FMO3: variants seen among roughly 807,000 people sequenced by gnomAD.
FMO3 encodes the protein flavin-containing monooxygenase 3.
A neutral mutation model predicts 39.4 loss-of-function variants in FMO3; 40 were observed. That is an observed-to-expected ratio of 1.02 (90% CI 0.79 to 1.32). The LOEUF (loss-of-function observed/expected upper bound fraction) is 1.32. FMO3 is among the 40% of genes most tolerant of loss of function. The probability of loss-of-function intolerance (pLI) is 0.00; values close to 1 mark genes in which losing one functional copy is unlikely to be tolerated. For synonymous variants in FMO3, 219 were observed against 228.8 expected (o/e 0.96, Z 0.39); for missense variants, 680 against 651.8 (o/e 1.04, Z -0.47).
chr1:171,094,812 C>T (rs946089937), intron 2 of FMO3, among the ~76,000 whole-genome samples: 3 of 152,080 alleles, frequency 2.0e-5, no homozygotes, highest in Non-Finnish European at 4.4e-5. Context: ...TATGTTTATA[C>T]CAGTACCATG....
At chr1:171,106,887 CCA>C (rs1655663919) in intron 3 of FMO3, among the ~76,000 whole-genome samples, 1 of 151,984 alleles carries the variant, frequency 6.6e-6, no homozygotes, top group Admixed American at 6.6e-5. Context: ...CTAAATTATC[CCA>C]CAGTTATTCT....
intron 5 of FMO3, among the ~76,000 whole-genome samples, chr1:171,109,846 T>C (rs1046858006): frequency 4.6e-5 from 7 of 152,122 alleles, no homozygotes; most frequent in African/African-American, 1.4e-4. Context: ...CCGGACTCCT[T>C]TAGTCTCTTC....
chr1:171,110,532 T>G (rs893337935), intron 5 of FMO3, among the ~76,000 whole-genome samples: 3 of 152,120 alleles, frequency 2.0e-5, no homozygotes, highest in Admixed American at 2.0e-4. Flanking sequence ...ATTGCCCCAA[T>G]TTGAGGTGAG....
chr1:171,093,536 T>C (rs1211911851), intron 2 of FMO3, among the ~76,000 whole-genome samples: 1 of 151,918 alleles, frequency 6.6e-6, no homozygotes, highest in East Asian at 1.9e-4. Context: ...CGTCTGTGTG[T>C]ATATATACAT....
At chr1:171,113,576 A>G (rs1002356357) in intron 6 of FMO3, among the ~76,000 whole-genome samples, 3 of 152,248 alleles carry the variant, frequency 2.0e-5, no homozygotes, top group African/African-American at 7.2e-5. Context: ...CTGAGGTAGT[A>G]CAAACATTAC....
intron 2 of FMO3, chr1:171,101,897 C>A (rs1220027063): frequency 2.8e-6 from 1 of 355,298 alleles, no homozygotes; most frequent in African/African-American, 2.2e-5. Context: ...TCTGGGAATA[C>A]CTCCCTTTTT....
intron 5 of FMO3, among the ~76,000 whole-genome samples, chr1:171,109,019 T>A (rs192719594): frequency 1.3e-5 from 2 of 152,200 alleles, no homozygotes; most frequent in East Asian, 3.9e-4. Context: ...CTATTGTAGG[T>A]TATAGTTTCA....
intron 2 of FMO3, 42 bp from the exon 3 acceptor site, chr1:171,103,743 T>C (rs747200261): frequency 2.0e-6 from 3 of 1,488,164 alleles, no homozygotes; most frequent in Admixed American, 1.7e-5. Context: ...ATCAGTATAC[T>C]CATTTACCAA....
chr1:171,107,537 C>A, intron 3 of FMO3, 138 bp from the exon 4 acceptor site: 3 of 696,434 alleles, frequency 4.3e-6, no homozygotes, highest in Non-Finnish European at 5.0e-6. Flanking sequence ...TTGATTTATT[C>A]TGAGGGAATT....
chr1:171,116,038 T>G (rs1250442947), intron 7 of FMO3, among the ~76,000 whole-genome samples, 170 bp from the exon 8 acceptor site: 1 of 152,236 alleles, frequency 6.6e-6, no homozygotes, highest in Admixed American at 6.5e-5. Context: ...TAATGTTTTT[T>G]AATTATTATG....
chr1:171,102,445 C>A (rs1655441380), intron 2 of FMO3, among the ~76,000 whole-genome samples: 1 of 152,070 alleles, frequency 6.6e-6, no homozygotes, highest in Admixed American at 6.6e-5. Context: ...TTTTTTTTAA[C>A]TTAATGCCTT....
intron 2 of FMO3, among the ~76,000 whole-genome samples, chr1:171,097,775 T>C (rs1655175687): frequency 6.6e-6 from 1 of 151,838 alleles, no homozygotes; most frequent in Non-Finnish European, 1.5e-5. Flanking sequence ...TCTTTTGCTG[T>C]GCAGAAGCTC....
At chr1:171,092,571 C>A (rs533841899) in intron 1 of FMO3, 82 bp from the exon 2 acceptor site, 3 of 1,533,348 alleles carry the variant, frequency 2.0e-6, no homozygotes, top group Non-Finnish European at 2.7e-6. Context: ...AGCCAAAGAG[C>A]GAAATCAAAA....
chr1:171,116,592 A>G (rs1311645514), intron 8 of FMO3, among the ~76,000 whole-genome samples: 1 of 152,224 alleles, frequency 6.6e-6, no homozygotes, highest in Admixed American at 6.5e-5. Context: ...ATTTGAAATC[A>G]GAGGAGTTTG....
rs150603219 is a variant in FMO3, at chr1:171,115,184, A to C, written c.1183+822A>C. Among the ~76,000 whole-genome samples, 551 of 152,258 alleles carry C rather than the reference A, an allele frequency of 3.6e-3. 5 individuals are homozygous for C. The highest frequency in any genetic ancestry group is 2.6e-3 in the Non-Finnish European group (180 of 68,018). On this transcript the variant is annotated intron_variant, in intron 7 of 8. Transcript: ENST00000367755. ...AGGAAGGGTGCTACCCTTACTCTCTATGAGGACAAGAGTTGTAACTTGGGC... is the reference window on the plus strand; with the variant it reads ...AGGAAGGGTGCTACCCTTACTCTCTCTGAGGACAAGAGTTGTAACTTGGGC...
At chr1:171,091,669 G>C (rs1190528726) in intron 1 of FMO3, among the ~76,000 whole-genome samples, 11 of 151,530 alleles carry the variant, frequency 7.3e-5, no homozygotes, top group African/African-American at 2.7e-4. Context: ...GCTCACTGCA[G>C]CCTCAAACTC....
intron 6 of FMO3, among the ~76,000 whole-genome samples, chr1:171,111,586 C>A (rs573488028): frequency 4.8e-4 from 73 of 152,260 alleles, no homozygotes; most frequent in Admixed American, 2.3e-3. Flanking sequence ...CCTTAATGGA[C>A]CCCCTCTCAC....
At chr1:171,100,678 T>C (rs1051822633) in intron 2 of FMO3, 2 of 157,848 alleles carry the variant, frequency 1.3e-5, no homozygotes, top group Non-Finnish European at 2.8e-5. Context: ...CTTGATTTCA[T>C]GCTGCTATGG....
intron 2 of FMO3, among the ~76,000 whole-genome samples, chr1:171,093,931 T>G (rs1654836460): frequency 6.8e-6 from 1 of 147,510 alleles, no homozygotes; most frequent in Admixed American, 7.0e-5. Context: ...ACCTCCTGGG[T>G]TCAAACGATT....
Sources: allele counts gnomAD v4.1 joint callset (sites outside exome capture counted in the v4.1 genomes callset), GRCh38; gene constraint gnomAD v4.1.1; transcripts MANE v1.5; gene names NCBI Gene and HGNC (gene_info 2026-07-23, HGNC 2026-07-21).